DNAJB12: variants seen among roughly 807,000 people sequenced by gnomAD.
The protein encoded by DNAJB12 is DnaJ heat shock protein family (Hsp40) member B12.
A neutral mutation model predicts 40.6 loss-of-function variants in DNAJB12; 14 were observed. The observed-to-expected ratio is 0.34, with a 90% CI of 0.23 to 0.54. The LOEUF (loss-of-function observed/expected upper bound fraction) is 0.54. DNAJB12 is among the 20% of genes least tolerant of loss of function. The probability of loss-of-function intolerance (pLI) is 0.92; values close to 1 mark genes in which losing one functional copy is unlikely to be tolerated. For synonymous variants in DNAJB12, 181 were observed against 199.5 expected (o/e 0.91, Z 0.78); for missense variants, 444 against 501.7 (o/e 0.89, Z 1.10).
chr10:72,348,287 T>C (rs1010725163), intron 1 of DNAJB12, among the ~76,000 whole-genome samples: 2 of 152,116 alleles, frequency 1.3e-5, no homozygotes, highest in African/African-American at 4.8e-5. Context: ...AGGGCCCAAG[T>C]CTCTGGCAGC....
intron 1 of DNAJB12, among the ~76,000 whole-genome samples, chr10:72,346,680 C>T (rs191899143): frequency 4.0e-5 from 6 of 151,552 alleles, no homozygotes; most frequent in South Asian, 2.1e-4. Context: ...AGGCTGGTCT[C>T]GAACTCCTGA....
At chr10:72,343,689 C>T (rs533515339) in intron 2 of DNAJB12, among the ~76,000 whole-genome samples, 178 bp from the exon 3 acceptor site, 2 of 152,078 alleles carry the variant, frequency 1.3e-5, no homozygotes, top group African/African-American at 4.8e-5. Context: ...AAGTGGGCAC[C>T]AAATGTGATG....
At chr10:72,336,064 G>T (rs1411737238) in intron 7 of DNAJB12, 133 bp from the exon 8 acceptor site, 1 of 1,101,972 alleles carries the variant, frequency 9.1e-7, no homozygotes, top group African/African-American at 1.6e-5. Flanking sequence ...CCTCCCATTA[G>T]GAAGACCATG....
chr10:72,343,900 T>TA (rs1861711486), intron 2 of DNAJB12, among the ~76,000 whole-genome samples: 1 of 151,822 alleles, frequency 6.6e-6, no homozygotes, highest in African/African-American at 2.4e-5. Context: ...TTTTTTTTTT[T>TA]AATTTTTAAA....
chr10:72,353,022 T>C (rs1339482319), intron 1 of DNAJB12, among the ~76,000 whole-genome samples: 4 of 152,190 alleles, frequency 2.6e-5, no homozygotes, highest in Non-Finnish European at 2.9e-5. Context: ...GATGGTAAAG[T>C]TTACACGGAT....
Position 72,334,545 on chromosome 10 carries a change from T to C in DNAJB12, c.*103A>G. ...CATTTTAATTTTGTTTCTTTGTTTGTCTTTCCTCAAATATACAGTCCATCA... is the reference window on the plus strand; with the variant it reads ...CATTTTAATTTTGTTTCTTTGTTTGCCTTTCCTCAAATATACAGTCCATCA... On this transcript the variant is annotated 3_prime_UTR_variant, in exon 9 of 9. Transcript: ENST00000444643. 1 of 1,534,632 alleles carries C rather than the reference T, an allele frequency of 6.5e-7. No individual in the cohort carries two copies. The highest frequency in any genetic ancestry group is 1.2e-5 in the South Asian group (1 of 84,038).
chr10:72,334,639 G>A, intron 8 of DNAJB12, 22 bp from the exon 9 acceptor site: 1 of 1,525,570 alleles, frequency 6.6e-7, no homozygotes, highest in Non-Finnish European at 8.7e-7. Flanking sequence ...AGTGGCAACA[G>A]TTAGCTCGGC....
intron 5 of DNAJB12, 90 bp downstream of exon 5, chr10:72,340,699 A>G: frequency 7.9e-7 from 1 of 1,267,600 alleles, no homozygotes; most frequent in Non-Finnish European, 1.1e-6. Context: ...CAGAATGGAC[A>G]GTGTGGGAGG....
intron 5 of DNAJB12, 127 bp from the exon 6 acceptor site, chr10:72,338,438 C>T (rs1861538609): frequency 8.7e-6 from 6 of 686,548 alleles, no homozygotes; most frequent in South Asian, 1.9e-5. Flanking sequence ...GTTCCCTCCA[C>T]GAGGCTCCAA....
Position 72,334,478 on chromosome 10 carries a change from G to T in DNAJB12, c.*170C>A. 3.1e-6 allele frequency: 4 copies of T among 1,303,142 alleles called. No individual in the cohort carries two copies. The highest frequency in any genetic ancestry group is 4.3e-6 in the Non-Finnish European group (4 of 935,932). 80.7% of individuals were successfully genotyped at this position (1,303,142 alleles called of 1,614,324 possible). ...TCCTAAGAGCTTTCTGCATTTACTG[G>T]GTGAGAGAGAGGGCAGCTGTGCAGC... On this transcript the variant is annotated 3_prime_UTR_variant, in exon 9 of 9. Coordinates refer to ENST00000444643, the MANE Select transcript of DNAJB12 (RefSeq NM_017626.7).
At chr10:72,348,345 G>A (rs1461193993) in intron 1 of DNAJB12, among the ~76,000 whole-genome samples, 2 of 152,224 alleles carry the variant, frequency 1.3e-5, no homozygotes, top group Non-Finnish European at 2.9e-5. Flanking sequence ...AGTCAGGCCT[G>A]GGCCCCAGCG....
rs769297928 is a variant in DNAJB12 at position 72,338,239 on chromosome 10, T to TGAGCTGGCTGA, written c.785_795dup (p.Met266SerfsTer13). On this transcript the variant is annotated frameshift_variant, in exon 6 of 9. Coordinates refer to ENST00000444643, the MANE Select transcript of DNAJB12 (RefSeq NM_017626.7). LOFTEE classifies it high-confidence loss of function. Reference sequence around the variant, plus strand: ...AGACTGTAGGGTGGACTGGAGACCATGAGCTGGCTGAGAGCTGACACGAGA... The same window carrying TGAGCTGGCTGA: ...AGACTGTAGGGTGGACTGGAGACCATGAGCTGGCTGAGAGCTGGCTGAGAGCTGACACGAGA... 1.9e-6 allele frequency: 3 copies of TGAGCTGGCTGA among 1,613,938 alleles called. No individual in the cohort carries two copies.
chr10:72,354,684 C>T, intron 1 of DNAJB12, 81 bp downstream of exon 1: 1 of 1,346,366 alleles, frequency 7.4e-7, no homozygotes, highest in Non-Finnish European at 1.0e-6. Context: ...CTCCCCCTCC[C>T]CCAACTGCTC....
In DNAJB12 at chr10:72,333,490, T is replaced by C. The variant is rs1441002587; in HGVS notation, c.*1158A>G. On this transcript the variant is annotated 3_prime_UTR_variant, in exon 9 of 9. Transcript: ENST00000444643. Reference sequence around the variant, plus strand: ...TGAAGACAGAGGCAGCCACGGGCACTGCCTTTTCTTCAGGAGTCGAGGAGG... The same window carrying C: ...TGAAGACAGAGGCAGCCACGGGCACCGCCTTTTCTTCAGGAGTCGAGGAGG... 6.6e-6 allele frequency: 1 copy of C among 152,666 alleles called. No individual in the cohort carries two copies. Among genetic ancestry groups the C allele is most frequent in the African/African-American group, 2.4e-5 (1 of 41,460 alleles). The allele number at this position is 152,666 out of a possible 1,614,324, so 9.5% of individuals were successfully genotyped here. A position where few individuals can be genotyped will look rare whatever the true frequency, so the allele number is the denominator to read the frequency against.
intron 1 of DNAJB12, 111 bp downstream of exon 1, chr10:72,354,654 G>A: frequency 1.9e-6 from 2 of 1,064,420 alleles, no homozygotes; most frequent in East Asian, 2.6e-5. Flanking sequence ...GTGCGCAGGC[G>A]TAGCCGCGCC....
intron 6 of DNAJB12, 70 bp from the exon 7 acceptor site, chr10:72,336,766 C>T: frequency 7.1e-7 from 1 of 1,403,784 alleles, no homozygotes; most frequent in Non-Finnish European, 9.9e-7. Flanking sequence ...GGTATGGGCC[C>T]CAAGACAGGA....
At chr10:72,337,565 T>C (rs1190869578) in intron 6 of DNAJB12, among the ~76,000 whole-genome samples, 1 of 152,254 alleles carries the variant, frequency 6.6e-6, no homozygotes, top group Non-Finnish European at 1.5e-5. Context: ...GCATTTCTAG[T>C]GGGCCAGACA....
At chr10:72,339,332 G>A (rs146594820) in intron 5 of DNAJB12, among the ~76,000 whole-genome samples, 3,415 of 151,096 alleles carry the variant, frequency 0.023, 119 homozygotes, top group East Asian at 0.085. Context: ...TCAGGAGTTC[G>A]AGACCAGCCT....
intron 1 of DNAJB12, among the ~76,000 whole-genome samples, chr10:72,351,499 CCTTTT>C (rs1332918820): frequency 6.6e-6 from 1 of 152,376 alleles, no homozygotes; most frequent in East Asian, 1.9e-4. Flanking sequence ...TCGATCCTTC[CCTTTT>C]CAACTCTTAA....
Sources: allele counts gnomAD v4.1 joint callset (sites outside exome capture counted in the v4.1 genomes callset), GRCh38; gene constraint gnomAD v4.1.1; transcripts MANE v1.5; gene names NCBI Gene and HGNC (gene_info 2026-07-23, HGNC 2026-07-21).